Variants in PRRC2B observed in about 807,000 individuals in gnomAD.
PRRC2B encodes proline rich coiled-coil 2B, also known as protein PRRC2B.
Under a neutral mutation model 242.3 loss-of-function variants are expected in PRRC2B, and 68 were observed. The ratio of observed to expected loss-of-function variants is 0.28; its 90% CI spans 0.23 to 0.34. PRRC2B has a LOEUF of 0.34. Ranked by LOEUF, PRRC2B falls within the 10% of genes least tolerant of loss-of-function variation. The pLI, the probability that PRRC2B is intolerant of heterozygous loss-of-function variation, is 1.00. For missense variants in PRRC2B, 2,835 were observed against 2,954.8 expected (o/e 0.96, Z 0.94); for synonymous variants, 1,228 against 1,173.6 (o/e 1.05, Z -0.95).
chr9:131,490,613 T>C (rs773347650), intron 28 of PRRC2B: 24 of 518,820 alleles, frequency 4.6e-5, no homozygotes, highest in Non-Finnish European at 8.1e-5. Context: ...TGTTCCCCTG[T>C]CCTTACAGTC....
rs189518113 is a variant in PRRC2B at position 131,399,404 on chromosome 9, C to T, written c.-52+5141C>T. ...ACCATCCTGGCTAACACGATGAAAC[C>T]CCGTGTCTACTAAAAATACAAAAAA... On this transcript the variant is annotated intron_variant, in intron 1 of 31. Coordinates refer to ENST00000683519, the MANE Select transcript of PRRC2B (RefSeq NM_013318.4). Among the ~76,000 whole-genome samples, 295 of 151,720 alleles carry T rather than the reference C, an allele frequency of 1.9e-3. 1 individual carries two copies. The highest frequency in any genetic ancestry group is 6.8e-3 in the African/African-American group (281 of 41,322).
At chr9:131,445,819 T>C (rs1037466731) in intron 6 of PRRC2B, among the ~76,000 whole-genome samples, 1 of 152,228 alleles carries the variant, frequency 6.6e-6, no homozygotes, top group African/African-American at 2.4e-5. Flanking sequence ...TTACCACATT[T>C]GGCAATAGAA....
chr9:131,484,628 G>T (rs10793874), intron 23 of PRRC2B, 58 bp from the exon 24 acceptor site: 1,314,613 of 1,419,196 alleles, frequency 0.93, 611,905 homozygotes, highest in South Asian at 0.97. Context: ...GGATGGGTTT[G>T]GGCAAAGCCA....
Position 131,495,972 on chromosome 9 carries a change from C to G in PRRC2B, c.*98C>G, listed in dbSNP as rs1036039020. The G allele has an allele frequency of 7.9e-6, 12 of 1,510,420 alleles. No homozygotes were observed. In the African/African-American group the frequency reaches 1.4e-4, roughly 17 times the overall value. The allele number at this position is 1,510,420 out of a possible 1,614,324, so 93.6% of individuals were successfully genotyped here. On this transcript the variant is annotated 3_prime_UTR_variant, in exon 32 of 32. Coordinates refer to ENST00000683519, the MANE Select transcript of PRRC2B (RefSeq NM_013318.4). Reference sequence around the variant, plus strand: ...TCGGGAGCCTCACCAGATCCACCGTCCAAATGCGTGGCCCAGACTGAGAGA... The same window carrying G: ...TCGGGAGCCTCACCAGATCCACCGTGCAAATGCGTGGCCCAGACTGAGAGA...
chr9:131,479,244 C>A lies in PRRC2B; in HGVS notation c.4759-8C>A. On this transcript the variant is annotated splice_region_variant and splice_polypyrimidine_tract_variant and intron_variant, in intron 18 of 31. Transcript: ENST00000683519. ...TGGCTAGACTACAGCATCCTTTCTTCCCCTCAGGTGCCTGTCAAAGGTCGA... is the reference window on the plus strand; with the variant it reads ...TGGCTAGACTACAGCATCCTTTCTTACCCTCAGGTGCCTGTCAAAGGTCGA... The A allele has an allele frequency of 6.2e-7, 1 of 1,613,378 alleles. No individual in the cohort carries two copies. Among genetic ancestry groups the A allele is most frequent in the Non-Finnish European group, 8.5e-7 (1 of 1,179,562 alleles).
At chr9:131,390,173 A>G (rs1020840550), upstream of PRRC2B, among the ~76,000 whole-genome samples, 1 of 150,146 alleles carries the variant, frequency 6.7e-6, no homozygotes, top group Non-Finnish European at 1.5e-5. Context: ...TTGGCTTCCC[A>G]AAGTGCTGGG....
At position 131,476,407 on chromosome 9, in the gene PRRC2B, C is replaced by A. The variant is rs755704113; in HGVS notation, c.4278C>A (p.Pro1426=). The stretch of plus-strand genomic sequence containing the variant: ...AGAGGAGCTTCTCCAGTCAGAGACC[C>A]GTGGTTGACAGACAGAGCCGAAAGC... ...LAKRSFSSQR[P]VVDRQSRKLE... The change falls in exon 16 of 32, where the codon CCC becomes CCA. Residue 1426 remains proline (P), a synonymous_variant. Transcript: ENST00000683519. 1 of 1,609,124 alleles carries A rather than the reference C, an allele frequency of 6.2e-7. No homozygotes were observed. The highest frequency in any genetic ancestry group is 1.3e-5 in the African/African-American group (1 of 74,968).
intron 1 of PRRC2B, among the ~76,000 whole-genome samples, chr9:131,394,946 GCCTGCCAGATGGGGTTTTTTTTTTTTT>G (rs1837002628): frequency 8.7e-6 from 1 of 114,780 alleles, no homozygotes; most frequent in Non-Finnish European, 1.8e-5. Context: ...GCCACTCGGG[GCCTGCCAGATGGGGTTTTTTTTTTTTT>G]CCTCCTCTTT....
At chr9:131,491,628 C>A (rs45445092) in intron 29 of PRRC2B, 48 bp downstream of exon 29, 64,335 of 1,519,582 alleles carry the variant, frequency 0.042, 1,647 homozygotes, top group Non-Finnish European at 0.047. Context: ...GGCCTTGTGT[C>A]ACCAACTTTT....
Position 131,471,082 on chromosome 9 carries a change from T to C in PRRC2B, c.2107+99T>C, listed in dbSNP as rs1943533067. 1.9e-5 allele frequency: 16 copies of C among 839,290 alleles called. No homozygotes were observed. In the South Asian group the frequency reaches 2.0e-4, roughly 10 times the overall value. 52.0% of individuals were successfully genotyped at this position (839,290 alleles called of 1,614,324 possible). ...TTAAACAGATACACCTGGATTTTGG[T>C]CTGGCTCTTTGTCAAGTACACAACT... On this transcript the variant is annotated intron_variant, in intron 14 of 31. Coordinates refer to ENST00000683519, the MANE Select transcript of PRRC2B (RefSeq NM_013318.4).
At chr9:131,420,502 T>TCTTTCTTTCGTTC (rs1564278677) in intron 1 of PRRC2B, among the ~76,000 whole-genome samples, 2 of 97,948 alleles carry the variant, frequency 2.0e-5, no homozygotes, top group African/African-American at 8.3e-5. Flanking sequence ...TCTTTTTTTT[T>TCTTTCTTTCGTTC]TTTTTTTTGA....
At position 131,497,593 on chromosome 9, in the gene PRRC2B, C is replaced by T. The variant is rs548949145; in HGVS notation, c.*1719C>T. On this transcript the variant is annotated 3_prime_UTR_variant, in exon 32 of 32. Coordinates refer to ENST00000683519, the MANE Select transcript of PRRC2B (RefSeq NM_013318.4). Reference sequence around the variant, plus strand: ...ACATGGGGAAGGAGCATCTTAGGAACTGCTGAAGTAACTTCTTACTGCTCT... The same window carrying T: ...ACATGGGGAAGGAGCATCTTAGGAATTGCTGAAGTAACTTCTTACTGCTCT... 1 of 152,284 alleles carries T rather than the reference C, an allele frequency of 6.6e-6. No homozygotes were observed. Among genetic ancestry groups the T allele is most frequent in the South Asian group, 2.1e-4 (1 of 4,826 alleles). The allele number at this position is 152,284 out of a possible 1,614,324, so 9.4% of individuals were successfully genotyped here.
chr9:131,478,503 C>A lies in PRRC2B; in HGVS notation c.4642C>A (p.Pro1548Thr). 6.2e-7 allele frequency: 1 copy of A among 1,613,594 alleles called. No homozygotes were observed. The highest frequency in any genetic ancestry group is 8.5e-7 in the Non-Finnish European group (1 of 1,179,712). The change falls in exon 18 of 32, where the codon CCC (proline) becomes ACC (threonine). Residue 1548 changes from proline (P) to threonine (T), a missense_variant. Coordinates refer to ENST00000683519, the MANE Select transcript of PRRC2B (RefSeq NM_013318.4). ...SAIIENCGSS[P>T]GEESEVGSMV... ...CATCATTGAAAATTGCGGGTCCAGC[C>A]CCGGGGAGGAGAGTGAGGTGGGTTC...
chr9:131,417,139 G>C (rs993681288), intron 1 of PRRC2B, among the ~76,000 whole-genome samples: 4 of 152,032 alleles, frequency 2.6e-5, no homozygotes, highest in Admixed American at 2.6e-4. Context: ...TCCCATGTTG[G>C]TGTATATAGG....
At chr9:131,481,311 CAAAAAAAAAA>C (rs11404767) in intron 19 of PRRC2B, among the ~76,000 whole-genome samples, 8 of 79,260 alleles carry the variant, frequency 1.0e-4, no homozygotes, top group Admixed American at 3.4e-4. Flanking sequence ...ACTCCGTCTC[CAAAAAAAAAA>C]AAAAAAAAAA....
chr9:131,444,367 A>G, intron 6 of PRRC2B, 39 bp downstream of exon 6: 1 of 1,594,372 alleles, frequency 6.3e-7, no homozygotes, highest in South Asian at 1.1e-5. Flanking sequence ...ATGGAGTAAC[A>G]GAACTTCCTC....
At chr9:131,491,784 A>G (rs561124851) in intron 29 of PRRC2B, among the ~76,000 whole-genome samples, 1 of 152,346 alleles carries the variant, frequency 6.6e-6, no homozygotes, top group South Asian at 2.1e-4. Flanking sequence ...GCCAGGAATC[A>G]GCATTCCTCC....
rs1168422114 is a variant in PRRC2B at position 131,474,681 on chromosome 9, G to C, written c.2552G>C (p.Arg851Thr). Residue 851 changes from arginine to threonine, a missense_variant, in exon 16 of 32, where the codon AGG becomes ACG. This residue lies in a region of PRRC2B where 1,536 missense variants were observed against 1,483.1 expected (regional missense o/e 1.04). Coordinates refer to ENST00000683519, the MANE Select transcript of PRRC2B (RefSeq NM_013318.4). The stretch of plus-strand genomic sequence containing the variant: ...CCTGGGGGTCACACCCAAAACCTCA[G>C]GTGTTCCCCATTGGAGCCTGACTTT... The part of the protein sequence containing the change: ...GAPGGHTQNL[R>T]CSPLEPDFVP... 1.2e-6 allele frequency: 2 copies of C among 1,613,336 alleles called. No homozygotes were observed. The highest frequency in any genetic ancestry group is 1.7e-6 in the Non-Finnish European group (2 of 1,179,596).
intron 1 of PRRC2B, among the ~76,000 whole-genome samples, chr9:131,387,730 G>C (rs1343599482): frequency 1.3e-5 from 2 of 150,424 alleles, no homozygotes; most frequent in African/African-American, 4.9e-5. Flanking sequence ...ACCACCGAGA[G>C]TGTGAAACCT....
Sources: allele counts gnomAD v4.1 joint callset (sites outside exome capture counted in the v4.1 genomes callset), GRCh38; gene constraint gnomAD v4.1.1; regional missense constraint gnomAD v4.1.1; transcripts MANE v1.5; gene names NCBI Gene and HGNC (gene_info 2026-07-23, HGNC 2026-07-21).